PCNX2: variants seen among roughly 807,000 people sequenced by gnomAD.
PCNX2 encodes pecanex-like protein 2.
In PCNX2, 168 loss-of-function variants were observed where a neutral mutation model predicts 223.8. That is an observed-to-expected ratio of 0.75 (90% CI 0.66 to 0.85). The LOEUF is 0.85. Among genes scored for constraint, PCNX2 ranks in the 40% least tolerant of loss-of-function variants. PCNX2 has a pLI of 0.00. For missense variants in PCNX2, 2,507 were observed against 2,675.5 expected (o/e 0.94, Z 1.39); for synonymous variants, 1,006 against 1,052.6 (o/e 0.96, Z 0.86).
In PCNX2 at chr1:233,207,018, A is replaced by AAAGAAG. The variant is rs58751327; in HGVS notation, c.2863+1494_2863+1499dup. On this transcript the variant is annotated intron_variant, in intron 13 of 33. Transcript: ENST00000258229. ...AGAGCGAGACTCCAACAAAAAAAAA[A>AAAGAAG]AAGAAGAAGAAGAAGAAGAAGAAGA... 1.5e-3 allele frequency among the ~76,000 whole-genome samples: 228 copies of AAAGAAG among 150,570 alleles called. 1 individual carries two copies. The highest frequency in any genetic ancestry group is 5.1e-3 in the African/African-American group (208 of 40,696).
Position 233,126,918 on chromosome 1 carries a change from G to A in PCNX2, c.3837+8095C>T, listed in dbSNP as rs1676134454. On this transcript the variant is annotated intron_variant, in intron 21 of 33. Transcript: ENST00000258229. This position sits in a 1 kb window ranked among gnomAD's most constrained non-coding sequence, Gnocchi z 4.8. The stretch of plus-strand genomic sequence containing the variant: ...GTATGCTGAGAGCTCTCCCAGAGGT[G>A]GCTTTCACCTGCACTGCACTCTCCC... Among the ~76,000 whole-genome samples, 1 of 151,890 alleles carries A rather than the reference G, an allele frequency of 6.6e-6. No individual in the cohort carries two copies. Among genetic ancestry groups the A allele is most frequent in the Admixed American group, 6.6e-5 (1 of 15,248 alleles).
chr1:233,250,437 T>G (rs1484669712), intron 8 of PCNX2: 3 of 582,596 alleles, frequency 5.1e-6, no homozygotes, highest in Admixed American at 6.3e-5. Context: ...ATAATGTGTT[T>G]GAGAGCTGTA....
intron 23 of PCNX2, among the ~76,000 whole-genome samples, chr1:233,082,485 G>T (rs1011479492): frequency 6.6e-6 from 1 of 152,178 alleles, no homozygotes; most frequent in Non-Finnish European, 1.5e-5. Context: ...TGCGTTCCTT[G>T]TCATGGCATA....
At chr1:233,208,835 A>AAAAAAAAAAAAAAAAAAAAAAAAAAAAG (rs1681652258) in intron 12 of PCNX2, 146 bp from the exon 13 acceptor site, 1 of 540,970 alleles carries the variant, frequency 1.8e-6, no homozygotes, top group Non-Finnish European at 2.8e-6. Context: ...ACAAAAAAAA[A>AAAAAAAAAAAAAAAAAAAAAAAAAAAAG]AAAAAAAAAA....
chr1:233,081,598 T>G (rs1184742522), intron 23 of PCNX2, among the ~76,000 whole-genome samples: 4 of 152,148 alleles, frequency 2.6e-5, no homozygotes, highest in Admixed American at 6.5e-5. Context: ...GCTGATGACT[T>G]GCAAAGTGGC....
At chr1:233,233,424 C>CTG (rs57458756) in intron 9 of PCNX2, among the ~76,000 whole-genome samples, 27,321 of 139,976 alleles carry the variant, frequency 0.2, 2,529 homozygotes, top group East Asian at 0.25. Flanking sequence ...TCCTCTTCTC[C>CTG]TGTGTGTGTG....
At chr1:233,165,319 A>C (rs1678726904) in intron 17 of PCNX2, among the ~76,000 whole-genome samples, 1 of 152,172 alleles carries the variant, frequency 6.6e-6, no homozygotes, top group Admixed American at 6.5e-5. Flanking sequence ...CTCCTAGGGC[A>C]CATTTTGCAG....
At chr1:233,240,133 G>A (rs74772187) in intron 8 of PCNX2, among the ~76,000 whole-genome samples, 1,923 of 152,310 alleles carry the variant, frequency 0.013, 55 homozygotes, top group African/African-American at 0.044. Context: ...CTCAAATGGA[G>A]ACGTTTCCCT....
intron 23 of PCNX2, among the ~76,000 whole-genome samples, chr1:233,073,437 T>C (rs1187627774): frequency 6.6e-6 from 1 of 152,092 alleles, no homozygotes; most frequent in Non-Finnish European, 1.5e-5. Context: ...CTTCTTTTTC[T>C]AGTTCTTTAG....
At chr1:233,244,958 C>T (rs1405241855) in intron 8 of PCNX2, among the ~76,000 whole-genome samples, 3 of 152,202 alleles carry the variant, frequency 2.0e-5, no homozygotes, top group Admixed American at 6.5e-5. Context: ...TTGTTGAGGT[C>T]GTTTTGATAA....
At chr1:233,303,444 G>T in the PCNX2 span, among the ~76,000 whole-genome samples, 1 of 152,116 alleles carries the variant, frequency 6.6e-6, no homozygotes, top group African/African-American at 2.4e-5. Context: ...GAGCAGGAGA[G>T]GTTAAGGCTT....
At chr1:233,086,492 C>T (rs1673605753) in intron 23 of PCNX2, among the ~76,000 whole-genome samples, 1 of 150,538 alleles carries the variant, frequency 6.6e-6, no homozygotes. Flanking sequence ...CCCGTCTCTA[C>T]TAAAAATACA....
At chr1:233,284,994 T>C in intron 1 of PCNX2, 1 of 985,296 alleles carries the variant, frequency 1.0e-6, no homozygotes, top group Non-Finnish European at 1.2e-6. Context: ...CTACCTATAA[T>C]GAGCAGGACC....
In PCNX2 at chr1:233,001,620, G is replaced by A. The variant is rs749244511; in HGVS notation, c.5014C>T (p.Arg1672Cys). Residue 1672 changes from arginine to cysteine, a missense_variant, in exon 29 of 34, where the codon CGT becomes TGT. Physicochemically the swap from Arg to Cys is radical, Grantham distance 180. This residue lies in a region of PCNX2 where 1,372 missense variants were observed against 1,509.4 expected (regional missense o/e 0.91). Transcript: ENST00000258229. The surrounding 1 kb of genome is among the most constrained non-coding windows in gnomAD (Gnocchi z 4.2). Reference sequence around the variant, plus strand: ...ATGTCAGCAAATACCCACTCGTCACGTGCTGTTATTCTGAAGTCACCTTTG... The same window carrying A: ...ATGTCAGCAAATACCCACTCGTCACATGCTGTTATTCTGAAGTCACCTTTG... ...LFKGDFRITA[R>C]DEWVFADMDL... 1.0e-5 allele frequency: 16 copies of A among 1,589,040 alleles called. No homozygotes were observed. Among genetic ancestry groups the A allele is most frequent in the East Asian group, 2.2e-5 (1 of 44,460 alleles).
intron 15 of PCNX2, among the ~76,000 whole-genome samples, chr1:233,196,159 T>C (rs1412785623): frequency 6.6e-6 from 1 of 152,126 alleles, no homozygotes; most frequent in East Asian, 1.9e-4. Context: ...CAACAAATGG[T>C]ACTAGTAAAT....
intron 2 of PCNX2, 50 bp downstream of exon 2, chr1:233,262,908 A>G (rs772742901): frequency 1.3e-6 from 2 of 1,568,904 alleles, no homozygotes; most frequent in Non-Finnish European, 1.7e-6. Flanking sequence ...TATTTTAATC[A>G]AGAGCAAAAC....
intron 33 of PCNX2, chr1:232,984,685 C>T (rs141737492): frequency 6.0e-4 from 318 of 533,708 alleles, no homozygotes; most frequent in African/African-American, 5.9e-3. Flanking sequence ...ATCTGAGACA[C>T]AGGGGCTCTG....
intron 15 of PCNX2, among the ~76,000 whole-genome samples, chr1:233,182,590 G>A (rs1344106120): frequency 3.6e-5 from 5 of 140,612 alleles, no homozygotes; most frequent in African/African-American, 8.7e-5. Flanking sequence ...CTCCACAGGC[G>A]ATGCATAAGC....
chr1:233,234,772 G>C (rs527375431), intron 9 of PCNX2, among the ~76,000 whole-genome samples: 14 of 152,240 alleles, frequency 9.2e-5, no homozygotes, highest in Non-Finnish European at 1.9e-4. Context: ...TAATGTTCTG[G>C]AGGGTGGTAG....
Sources: gnomAD v4.1 joint callset for allele counts (sites outside exome capture counted in the v4.1 genomes callset) on GRCh38, gnomAD v4.1.1 for gene constraint, gnomAD v4.1.1 regional missense constraint, Gnocchi (gnomAD v3.1) non-coding constraint, MANE v1.5 for transcripts, NCBI Gene and HGNC (gene_info 2026-07-23, HGNC 2026-07-21) for gene names.